KCNK2: variants seen among roughly 807,000 people sequenced by gnomAD.
KCNK2 encodes the protein potassium channel subfamily K member 2.
In KCNK2, 21 loss-of-function variants were observed where a neutral mutation model predicts 40.5. That is an observed-to-expected ratio of 0.52 (90% confidence interval 0.37 to 0.75). The LOEUF is 0.75. KCNK2 is among the 30% of genes least tolerant of loss of function. The pLI is 0.00. For synonymous variants in KCNK2, 191 were observed against 202.2 expected (o/e 0.94, Z 0.47); for missense variants, 399 against 531.6 (o/e 0.75, Z 2.45).
In KCNK2 at chr1:215,150,787, A is replaced by G. The variant is rs111610899; in HGVS notation, c.476-18412A>G. On this transcript the variant is annotated intron_variant, in intron 3 of 6. Coordinates refer to ENST00000444842, the MANE Select transcript of KCNK2 (RefSeq NM_001017425.3). Reference sequence around the variant, plus strand: ...CAATTTTCAATATTCTCCTTTATTTACTAGGTATTTAATTCCACGCACAAC... The same window carrying G: ...CAATTTTCAATATTCTCCTTTATTTGCTAGGTATTTAATTCCACGCACAAC... Among the ~76,000 whole-genome samples the G allele has an allele frequency of 2.1e-3, 325 of 151,958 alleles. 4 individuals carry two copies. Among genetic ancestry groups the G allele is most frequent in the African/African-American group, 7.5e-3 (312 of 41,526 alleles).
chr1:215,183,614 A>C (rs1664315883), intron 5 of KCNK2, among the ~76,000 whole-genome samples: 1 of 152,214 alleles, frequency 6.6e-6, no homozygotes, highest in Non-Finnish European at 1.5e-5. Flanking sequence ...AGTAAAATAC[A>C]ATAATGGTAA....
chr1:215,019,000 A>AC (rs1656692113), intron 1 of KCNK2, among the ~76,000 whole-genome samples: 1 of 24,782 alleles, frequency 4.0e-5, no homozygotes. Flanking sequence ...CACACACACA[A>AC]AAAAAAAACC....
chr1:215,228,692 T>A (rs1434572658), intron 6 of KCNK2, among the ~76,000 whole-genome samples: 1 of 152,192 alleles, frequency 6.6e-6, no homozygotes, highest in Non-Finnish European at 1.5e-5. Context: ...AAATATTTTT[T>A]ATAAAAATCT....
In KCNK2 at chr1:215,133,253, A is replaced by T. The variant is rs542975731; in HGVS notation, c.475+8503A>T. On this transcript the variant is annotated intron_variant, in intron 3 of 6. Transcript: ENST00000444842. ...TGAAAAGTTTTCAATAGCATATTTT[A>T]ATCGTCTGAAAAGCAATCACTGTTA... Among the ~76,000 whole-genome samples the T allele has an allele frequency of 1.0e-3, 154 of 152,350 alleles. 1 individual carries two copies. Among genetic ancestry groups the T allele is most frequent in the African/African-American group, 3.6e-3 (151 of 41,582 alleles).
At chr1:215,045,171 G>A (rs1162129266) in intron 1 of KCNK2, among the ~76,000 whole-genome samples, 2 of 149,840 alleles carry the variant, frequency 1.3e-5, no homozygotes, top group Non-Finnish European at 3.0e-5. Flanking sequence ...GCGACAGAGC[G>A]AGACTCCGTC....
intron 3 of KCNK2, among the ~76,000 whole-genome samples, chr1:215,126,407 G>A (rs1278682363): frequency 2.0e-5 from 3 of 152,040 alleles, no homozygotes; most frequent in African/African-American, 4.8e-5. Flanking sequence ...CATAATAACA[G>A]GTTAAGTTTG....
Position 215,124,741 on chromosome 1 carries a change from AC to A in KCNK2, c.467del (p.Thr156LysfsTer3). 6.3e-7 allele frequency: 1 copy of A among 1,580,018 alleles called. No homozygotes were observed. The highest frequency in any genetic ancestry group is 1.1e-5 in the South Asian group (1 of 90,396). ...SSFFFAGTVI[T>X]TIGFGNISPR... ...CTTCTTCTTTGCTGGCACTGTTATT[AC>A]AACCATAGGTAGGAGACAACTTATT... is the stretch of plus-strand genomic sequence containing the variant. On this transcript the variant is annotated frameshift_variant, in exon 3 of 7. Coordinates refer to ENST00000444842, the MANE Select transcript of KCNK2 (RefSeq NM_001017425.3). LOFTEE classifies it high-confidence loss of function.
At position 215,083,226 on chromosome 1, in the gene KCNK2, G is replaced by GCCCCC; in HGVS notation, c.-159_-158insCCCCC. ...CCCGCCCCCTCCCGCGTCCAGCCCC[G>GCCCCC]CTCTCCCCACCTTGTAAAACAAAGC... On this transcript the variant is annotated 5_prime_UTR_variant, in exon 1 of 7. Coordinates refer to ENST00000444842, the MANE Select transcript of KCNK2 (RefSeq NM_001017425.3). 2 of 323,968 alleles carry GCCCCC rather than the reference G, an allele frequency of 6.2e-6. No homozygotes were observed. The highest frequency in any genetic ancestry group is 3.2e-5 in the South Asian group (1 of 31,734). 20.1% of individuals were successfully genotyped at this position (323,968 alleles called of 1,614,324 possible).
intron 1 of KCNK2, among the ~76,000 whole-genome samples, chr1:215,077,361 C>T (rs1180595296): frequency 1.3e-5 from 2 of 152,126 alleles, no homozygotes; most frequent in African/African-American, 4.8e-5. Context: ...TGTCACCACC[C>T]ACTCCCCACA....
Position 215,226,319 on chromosome 1 carries a change from ATTTGTTTTGT to A in KCNK2, c.964-8495_964-8486del, listed in dbSNP as rs556237634. Among the ~76,000 whole-genome samples the A allele has an allele frequency of 3.3e-3, 497 of 151,766 alleles. 3 individuals carry two copies. Among genetic ancestry groups the A allele is most frequent in the African/African-American group, 0.011 (439 of 41,386 alleles). On this transcript the variant is annotated intron_variant, in intron 6 of 6. Coordinates refer to ENST00000444842, the MANE Select transcript of KCNK2 (RefSeq NM_001017425.3). ...TTTTTGTTTGTTTGTCTTGTTTTTT[ATTTGTTTTGT>A]TTTGTTTTGTTTTTTGAGACAGCGT...
Position 215,185,375 on chromosome 1 carries a change from G to A in KCNK2, c.824-9578G>A, listed in dbSNP as rs934624185. On this transcript the variant is annotated intron_variant, in intron 5 of 6. Transcript: ENST00000444842. ...TTACATTCCAGGTCCTTGTGTCCAG[G>A]GAGTGTTTTTGGAATGAGAATGTGG... Among the ~76,000 whole-genome samples the A allele has an allele frequency of 2.6e-5, 4 of 152,084 alleles. 1 individual carries two copies. The highest frequency in any genetic ancestry group is 2.6e-4 in the Admixed American group (4 of 15,252).
intron 1 of KCNK2, among the ~76,000 whole-genome samples, chr1:215,075,032 A>G (rs1658878894): frequency 6.6e-6 from 1 of 152,196 alleles, no homozygotes; most frequent in South Asian, 2.1e-4. Flanking sequence ...ATGTTATCTT[A>G]ATTTAAATAA....
At chr1:215,097,446 A>G (rs934092622) in intron 2 of KCNK2, among the ~76,000 whole-genome samples, 2 of 151,478 alleles carry the variant, frequency 1.3e-5, no homozygotes, top group Non-Finnish European at 2.9e-5. Flanking sequence ...AAAAAATTAA[A>G]TGGCTCTTCT....
chr1:215,199,078 C>T (rs1664980415), intron 6 of KCNK2, among the ~76,000 whole-genome samples: 1 of 151,974 alleles, frequency 6.6e-6, no homozygotes. Context: ...GAGGCTGAGG[C>T]GGGAGGATCA....
upstream of KCNK2, among the ~76,000 whole-genome samples, chr1:215,081,160 C>T (rs548431712): frequency 8.9e-5 from 8 of 90,384 alleles, no homozygotes; most frequent in East Asian, 7.0e-4. Context: ...CACACGTACA[C>T]GCAAATGTGT....
At chr1:215,127,305 A>G (rs1423112045) in intron 3 of KCNK2, among the ~76,000 whole-genome samples, 2 of 152,184 alleles carry the variant, frequency 1.3e-5, no homozygotes, top group African/African-American at 2.4e-5. Flanking sequence ...TTCCTTGGAA[A>G]TATGCCCAAG....
chr1:215,202,943 T>C (rs942390857), intron 6 of KCNK2, among the ~76,000 whole-genome samples: 1 of 152,146 alleles, frequency 6.6e-6, no homozygotes, highest in South Asian at 2.1e-4. Context: ...GTTGTTATTA[T>C]TTATTTCTGC....
At chr1:215,107,043 T>A (rs201463529) in intron 2 of KCNK2, among the ~76,000 whole-genome samples, 1 of 141,354 alleles carries the variant, frequency 7.1e-6, no homozygotes, top group East Asian at 2.1e-4. Flanking sequence ...TTTTTTTTTT[T>A]AATTTTCTTA....
intron 6 of KCNK2, among the ~76,000 whole-genome samples, chr1:215,204,723 C>T (rs1391728015): frequency 1.3e-5 from 2 of 152,088 alleles, no homozygotes; most frequent in Non-Finnish European, 2.9e-5. Context: ...TGTTTTCAAA[C>T]ATAGATCAAA....
Sources: gnomAD v4.1 joint callset for allele counts (sites outside exome capture counted in the v4.1 genomes callset) on GRCh38, gnomAD v4.1.1 for gene constraint, MANE v1.5 for transcripts, NCBI Gene and HGNC (gene_info 2026-07-23, HGNC 2026-07-21) for gene names.